Variants in MAST4 observed in about 807,000 individuals in gnomAD.
The protein encoded by MAST4 is microtubule-associated serine/threonine-protein kinase 4.
In MAST4, 89 loss-of-function variants were observed where a neutral mutation model predicts 162.7. That is an observed-to-expected ratio of 0.55 (90% CI 0.46 to 0.65). The LOEUF (loss-of-function observed/expected upper bound fraction) is 0.65. Ranked by LOEUF, MAST4 falls within the 30% of genes least tolerant of loss-of-function variation. The pLI is 0.00. For missense variants in MAST4, 3,153 were observed against 3,374.0 expected (o/e 0.93, Z 1.62); for synonymous variants, 1,479 against 1,361.1 (o/e 1.09, Z -1.91).
At chr5:66,919,616 G>C (rs751583638) in intron 4 of MAST4, among the ~76,000 whole-genome samples, 1 of 141,880 alleles carries the variant, frequency 7.0e-6, no homozygotes, top group African/African-American at 2.6e-5. Context: ...AGCTGAGATC[G>C]TCACTGCACT....
chr5:67,155,366 C>T (rs946004922), intron 26 of MAST4, among the ~76,000 whole-genome samples: 1 of 152,166 alleles, frequency 6.6e-6, no homozygotes, highest in African/African-American at 2.4e-5. Flanking sequence ...CAAAGCTTTC[C>T]TGCCATGAGG....
At chr5:66,887,008 C>G (rs1473508736) in intron 3 of MAST4, among the ~76,000 whole-genome samples, 1 of 151,996 alleles carries the variant, frequency 6.6e-6, no homozygotes, top group Non-Finnish European at 1.5e-5. Flanking sequence ...TAGGAAGAAG[C>G]AATTAAAACC....
rs114754423 is a variant in MAST4, at chr5:67,026,231, C to T, written c.675-28173C>T. Among the ~76,000 whole-genome samples, 1,331 of 152,254 alleles carry T rather than the reference C, an allele frequency of 8.7e-3. 9 individuals carry two copies. The highest frequency in any genetic ancestry group is 0.014 in the Non-Finnish European group (981 of 68,014). On this transcript the variant is annotated intron_variant, in intron 4 of 28. Coordinates refer to ENST00000403625, the MANE Select transcript of MAST4 (RefSeq NM_001164664.2). The stretch of plus-strand genomic sequence containing the variant: ...GAGTGAAGACATTTCTTCCCATTAC[C>T]TATATACCTACCACCTTCGATGCTA...
rs114034966 is a variant in MAST4, at chr5:66,981,499, G to C, written c.675-72905G>C. ...ATTTACTGCGGTGATGGAAGGATGG[G>C]GGTGGGGATGGCAGCACCTGCGCCA... On this transcript the variant is annotated intron_variant, in intron 4 of 28. Coordinates refer to ENST00000403625, the MANE Select transcript of MAST4 (RefSeq NM_001164664.2). Among the ~76,000 whole-genome samples the C allele has an allele frequency of 6.2e-3, 940 of 152,300 alleles. 7 individuals carry two copies. The highest frequency in any genetic ancestry group is 0.022 in the African/African-American group (905 of 41,554).
At chr5:66,967,260 C>T (rs1746848104) in intron 4 of MAST4, among the ~76,000 whole-genome samples, 1 of 152,068 alleles carries the variant, frequency 6.6e-6, no homozygotes, top group Admixed American at 6.6e-5. Flanking sequence ...ATGGAAGATT[C>T]TATTCTTTTC....
intron 4 of MAST4, among the ~76,000 whole-genome samples, chr5:67,017,209 C>G (rs1207876587): frequency 6.6e-6 from 1 of 152,166 alleles, no homozygotes; most frequent in Non-Finnish European, 1.5e-5. Context: ...GTCCAGAATT[C>G]TCTAAACCAC....
intron 5 of MAST4, among the ~76,000 whole-genome samples, chr5:67,086,404 C>A (rs1488864654): frequency 6.6e-6 from 1 of 151,934 alleles, no homozygotes; most frequent in African/African-American, 2.4e-5. Context: ...AAATCACTTT[C>A]TTAACAATAG....
At chr5:67,059,357 C>T (rs1171885757) in intron 5 of MAST4, among the ~76,000 whole-genome samples, 5 of 152,132 alleles carry the variant, frequency 3.3e-5, no homozygotes, top group African/African-American at 1.2e-4. Context: ...GGTCAACTGA[C>T]TTGGGACAAT....
Position 66,882,000 on chromosome 5 carries a change from G to A in MAST4, c.643-17951G>A, listed in dbSNP as rs558588716. Among the ~76,000 whole-genome samples, 4 of 152,322 alleles carry A rather than the reference G, an allele frequency of 2.6e-5. No individual in the cohort carries two copies. The East Asian group carries it at 7.7e-4, about 29-fold the overall frequency. On this transcript the variant is annotated intron_variant, in intron 3 of 28. Transcript: ENST00000403625. ...TACTTGAGAAGAGAAACCTGGCACA[G>A]GTTTTGCTGGCCAGTGCTCAGAGGC... is the stretch of plus-strand genomic sequence containing the variant.
At chr5:67,102,717 T>A (rs746333283) in intron 9 of MAST4, 106 bp downstream of exon 9, 7 of 849,298 alleles carry the variant, frequency 8.2e-6, no homozygotes, top group Non-Finnish European at 1.4e-5. Flanking sequence ...AATCTAGTAA[T>A]GATTTGCATA....
chr5:67,087,381 C>T (rs908829159), intron 5 of MAST4, among the ~76,000 whole-genome samples: 2 of 152,222 alleles, frequency 1.3e-5, no homozygotes, highest in Admixed American at 1.3e-4. Flanking sequence ...ACCAATTACA[C>T]TCAGGCCAGC....
intron 3 of MAST4, among the ~76,000 whole-genome samples, chr5:66,866,492 T>C (rs1188106513): frequency 6.6e-6 from 1 of 152,244 alleles, no homozygotes; most frequent in Non-Finnish European, 1.5e-5. Context: ...TAAATCTCCC[T>C]GTCTTACAGA....
intron 2 of MAST4, among the ~76,000 whole-genome samples, chr5:66,763,773 A>G (rs1261962143): frequency 6.6e-6 from 1 of 152,146 alleles, no homozygotes; most frequent in Non-Finnish European, 1.5e-5. Flanking sequence ...TGACTTTTCA[A>G]CTTTATGATG....
At chr5:67,081,054 ATT>A (rs1404397170) in intron 5 of MAST4, among the ~76,000 whole-genome samples, 3 of 125,566 alleles carry the variant, frequency 2.4e-5, no homozygotes, top group Admixed American at 8.6e-5. Context: ...AATTGTATAT[ATT>A]ATATAATATA....
intron 23 of MAST4, 59 bp downstream of exon 23, chr5:67,145,438 C>A: frequency 6.7e-7 from 1 of 1,486,298 alleles, no homozygotes; most frequent in Non-Finnish European, 9.3e-7. Context: ...TCTCCTAGTG[C>A]TCAGTCCCAG....
Position 67,009,799 on chromosome 5 carries a change from G to A in MAST4, c.675-44605G>A, listed in dbSNP as rs188701666. 1.4e-3 allele frequency among the ~76,000 whole-genome samples: 219 copies of A among 152,272 alleles called. 1 individual carries two copies. The highest frequency in any genetic ancestry group is 5.1e-3 in the African/African-American group (211 of 41,554). ...CACACTGGGGTTTAGGTCTGGGAGT[G>A]GGGGTGAGACCTGCAAGCCAGTTAA... is the stretch of plus-strand genomic sequence containing the variant. On this transcript the variant is annotated intron_variant, in intron 4 of 28. Transcript: ENST00000403625.
At chr5:67,082,604 G>A (rs1397961549) in intron 5 of MAST4, among the ~76,000 whole-genome samples, 1 of 152,114 alleles carries the variant, frequency 6.6e-6, no homozygotes, top group Non-Finnish European at 1.5e-5. Context: ...TTGGACAATT[G>A]GTGAGATTAA....
rs191844918 is a variant in MAST4 at position 66,728,989 on chromosome 5, G to A, written c.364-30720G>A. On this transcript the variant is annotated intron_variant, in intron 1 of 28. Coordinates refer to ENST00000403625, the MANE Select transcript of MAST4 (RefSeq NM_001164664.2). ...TTCCTGGGTTCCTTGGGTACCATCA[G>A]CTTTTTTGATAATTTTTCTCTGTTT... Among the ~76,000 whole-genome samples the A allele has an allele frequency of 3.9e-5, 6 of 152,274 alleles. No homozygotes were observed. In the East Asian group the frequency reaches 1.2e-3, roughly 29 times the overall value.
rs976266014 is a variant in MAST4 at position 66,864,418 on chromosome 5, G to A, written c.643-35533G>A. The stretch of plus-strand genomic sequence containing the variant: ...CTGCAGTGAAGTAAGAGCCGGGAGC[G>A]GGCGAGCCATAGGAATCCAGACAGG... On this transcript the variant is annotated intron_variant, in intron 3 of 28. Transcript: ENST00000403625. Among the ~76,000 whole-genome samples the A allele has an allele frequency of 3.9e-5, 6 of 152,250 alleles. No individual in the cohort carries two copies. In the South Asian group the frequency reaches 6.2e-4, roughly 16 times the overall value.
Sources: gnomAD v4.1 joint callset for allele counts (sites outside exome capture counted in the v4.1 genomes callset) on GRCh38, gnomAD v4.1.1 for gene constraint, MANE v1.5 for transcripts, NCBI Gene and HGNC (gene_info 2026-07-23, HGNC 2026-07-21) for gene names.